MAP9: variants seen among roughly 807,000 people sequenced by gnomAD.
MAP9 encodes microtubule-associated protein 9.
MAP9 carries 80 observed loss-of-function variants against 75.2 expected under a neutral mutation model. That is an observed-to-expected ratio of 1.06 (90% CI 0.89 to 1.28). MAP9 has a LOEUF of 1.28. Ranked by LOEUF, MAP9 falls within the 50% of genes most tolerant of loss-of-function variation. MAP9 has a pLI of 0.00. For synonymous variants in MAP9, 235 were observed against 237.3 expected (o/e 0.99, Z 0.09); for missense variants, 753 against 719.9 (o/e 1.05, Z -0.53).
intron 5 of MAP9, among the ~76,000 whole-genome samples, chr4:155,365,426 C>A (rs913160636): frequency 6.6e-6 from 1 of 151,844 alleles, no homozygotes; most frequent in African/African-American, 2.4e-5. Flanking sequence ...TTTTAATACC[C>A]CTAAGTTGGT....
At chr4:155,351,235 A>G (rs777003565) in intron 13 of MAP9, 1 of 151,962 alleles carries the variant, frequency 6.6e-6, no homozygotes, top group Non-Finnish European at 1.5e-5. Flanking sequence ...TAGCACCTCA[A>G]ATCAATGGGT....
At chr4:155,370,689 C>G (rs1360768383) in intron 4 of MAP9, among the ~76,000 whole-genome samples, 5 of 152,104 alleles carry the variant, frequency 3.3e-5, no homozygotes, top group African/African-American at 1.2e-4. Flanking sequence ...TGAGATCTAC[C>G]TTCTTAATAC....
chr4:155,345,393 T>A lies in MAP9; in HGVS notation c.*2390A>T, dbSNP rs577689804. 3 of 152,086 alleles carry A rather than the reference T, an allele frequency of 2.0e-5. No homozygotes were observed. Among genetic ancestry groups the A allele is most frequent in the Non-Finnish European group, 4.4e-5 (3 of 67,960 alleles). 9.4% of individuals were successfully genotyped at this position (152,086 alleles called of 1,614,324 possible). A position where few individuals can be genotyped will look rare whatever the true frequency, so the allele number is the denominator to read the frequency against. ...GCAATCCTAAGAAATTAATACTTAC[T>A]TAGCTTTCTTTTTAGGAAGGCCCTA... On this transcript the variant is annotated 3_prime_UTR_variant, in exon 14 of 14. Coordinates refer to ENST00000311277, the MANE Select transcript of MAP9 (RefSeq NM_001039580.2).
chr4:155,364,596 AAT>A (rs1354734717), intron 5 of MAP9, among the ~76,000 whole-genome samples: 1 of 148,706 alleles, frequency 6.7e-6, no homozygotes, highest in Admixed American at 6.7e-5. Context: ...GTAGATATAT[AAT>A]ATATATTTAT....
rs1732010302 is a variant in MAP9, at chr4:155,360,284, G to A, written c.934C>T (p.Leu312Phe). The A allele has an allele frequency of 3.7e-6, 6 of 1,613,042 alleles. No individual in the cohort carries two copies. Among genetic ancestry groups the A allele is most frequent in the Admixed American group, 3.3e-5 (2 of 59,922 alleles). The stretch of plus-strand genomic sequence containing the variant: ...TCCGCTTTTGCCTTTTCTTCTTCAA[G>A]GTCATCAGCAGTCACTTGACTTTCC... ...SKESQVTADDLEEEKAKAELI... is the reference protein window; with the variant it reads ...SKESQVTADDFEEEKAKAELI... The change falls in exon 7 of 14, where the codon CTT becomes TTT. Residue 312 changes from leucine to phenylalanine, a missense_variant. By Grantham distance (22) the Leu-to-Phe change is conservative (BLOSUM62 0). Coordinates refer to ENST00000311277, the MANE Select transcript of MAP9 (RefSeq NM_001039580.2).
Position 155,355,126 on chromosome 4 carries a change from T to TA in MAP9, c.1324_1325insT (p.Glu442ValfsTer9). 1 of 1,407,380 alleles carries TA rather than the reference T, an allele frequency of 7.1e-7. No individual in the cohort carries two copies. The highest frequency in any genetic ancestry group is 9.7e-7 in the Non-Finnish European group (1 of 1,034,676). 87.2% of individuals were successfully genotyped at this position (1,407,380 alleles called of 1,614,324 possible). On this transcript the variant is annotated frameshift_variant, in exon 10 of 14. Coordinates refer to ENST00000311277, the MANE Select transcript of MAP9 (RefSeq NM_001039580.2). LOFTEE classifies it high-confidence loss of function. ...TTCAATTCTTTTTATTCTGTGCATT[T>TA]CATGTAAATACACATTTTTCTTTTC...
intron 12 of MAP9, 28 bp from the exon 13 acceptor site, chr4:155,352,756 G>C (rs1470757497): frequency 1.3e-6 from 2 of 1,510,520 alleles, no homozygotes; most frequent in Non-Finnish European, 8.9e-7. Flanking sequence ...AAACACTGGA[G>C]AGTTAAAGGA....
chr4:155,349,112 T>G (rs1731396090), intron 13 of MAP9, among the ~76,000 whole-genome samples: 3 of 152,152 alleles, frequency 2.0e-5, no homozygotes, highest in South Asian at 2.1e-4. Flanking sequence ...GGAAAGTCCC[T>G]TTGAAGTGTG....
At position 155,343,947 on chromosome 4, in the gene MAP9, A is replaced by G. The variant is rs922003110; in HGVS notation, c.*3836T>C. 4.6e-5 allele frequency: 7 copies of G among 152,080 alleles called. No homozygotes were observed. The highest frequency in any genetic ancestry group is 2.1e-4 in the South Asian group (1 of 4,824). The allele number at this position is 152,080 out of a possible 1,614,324, so 9.4% of individuals were successfully genotyped here. A position where few individuals can be genotyped will look rare whatever the true frequency, so the allele number is the denominator to read the frequency against. ...GTGTAAATGCAAACTAGGAAAGTTG[A>G]TATCTTTCTTTTATGTAAAAGGAAG... is the stretch of plus-strand genomic sequence containing the variant. On this transcript the variant is annotated 3_prime_UTR_variant, in exon 14 of 14. Transcript: ENST00000311277.
At chr4:155,353,504 TTAGA>T (rs1249336750) in intron 10 of MAP9, among the ~76,000 whole-genome samples, 164 bp from the exon 11 acceptor site, 5 of 152,142 alleles carry the variant, frequency 3.3e-5, no homozygotes, top group Non-Finnish European at 7.4e-5. Context: ...TTAGAATGGC[TTAGA>T]TAATTTACAA....
At chr4:155,371,266 T>C (rs1054506072) in intron 4 of MAP9, among the ~76,000 whole-genome samples, 3 of 152,088 alleles carry the variant, frequency 2.0e-5, no homozygotes, top group South Asian at 2.1e-4. Flanking sequence ...ATTAAAAACA[T>C]TGAGTTCCAA....
chr4:155,359,181 A>C (rs1370036444), intron 7 of MAP9, among the ~76,000 whole-genome samples: 1 of 150,284 alleles, frequency 6.7e-6, no homozygotes, highest in Non-Finnish European at 1.5e-5. Context: ...AGTGTACATC[A>C]ACATATGATT....
At position 155,347,503 on chromosome 4, in the gene MAP9, GA is replaced by G. The variant is rs1186275961; in HGVS notation, c.*279del. 10 of 268,530 alleles carry G rather than the reference GA, an allele frequency of 3.7e-5. No homozygotes were observed. In the Middle Eastern group the frequency reaches 3.2e-3, roughly 87 times the overall value. 16.6% of individuals were successfully genotyped at this position (268,530 alleles called of 1,614,324 possible). On this transcript the variant is annotated 3_prime_UTR_variant, in exon 14 of 14. Transcript: ENST00000311277. The stretch of plus-strand genomic sequence containing the variant: ...TACAGAGCTTAATGAAAAAGATCAT[GA>G]ATCACTCCACCATAAGAATTATCAG...
intron 13 of MAP9, chr4:155,352,315 G>C: frequency 3.6e-6 from 1 of 277,706 alleles, no homozygotes; most frequent in South Asian, 4.2e-5. Flanking sequence ...AGCAAAGGAA[G>C]AATGGGCATG....
intron 13 of MAP9, chr4:155,352,201 TCTCA>T (rs1207786806): frequency 1.2e-5 from 2 of 165,766 alleles, no homozygotes; most frequent in African/African-American, 4.8e-5. Flanking sequence ...GGAATAATTT[TCTCA>T]CTATTAAGTT....
At chr4:155,376,742 G>A (rs1732866572) in intron 1 of MAP9, 29 bp downstream of exon 1, 1 of 153,190 alleles carries the variant, frequency 6.5e-6, no homozygotes, top group Non-Finnish European at 1.5e-5. Flanking sequence ...TGAGAATCAA[G>A]AGCCAAGCAT....
rs749760208 is a variant in MAP9, at chr4:155,373,438, G to C, written c.179C>G (p.Ser60Cys). The change falls in exon 4 of 14, where the codon TCT (serine) becomes TGT (cysteine). Residue 60 changes from serine to cysteine, a missense_variant. Transcript: ENST00000311277. ...SDEIVSLGDF[S>C]DTSADENSVN... ...TGAATTTTCATCTGCTGAAGTGTCAGAAAAATCACCTAAAGAAACTGAAAA... is the reference window on the plus strand; with the variant it reads ...TGAATTTTCATCTGCTGAAGTGTCACAAAAATCACCTAAAGAAACTGAAAA... 6.5e-7 allele frequency: 1 copy of C among 1,544,758 alleles called. No homozygotes were observed. Among genetic ancestry groups the C allele is most frequent in the South Asian group, 1.3e-5 (1 of 79,062 alleles).
chr4:155,374,514 A>T (rs1732750950), intron 3 of MAP9, among the ~76,000 whole-genome samples: 1 of 152,198 alleles, frequency 6.6e-6, no homozygotes, highest in Non-Finnish European at 1.5e-5. Context: ...GCCAAAAAAA[A>T]TCTGATTTAT....
intron 7 of MAP9, among the ~76,000 whole-genome samples, chr4:155,359,140 G>A (rs1381545025): frequency 6.6e-6 from 1 of 151,058 alleles, no homozygotes; most frequent in African/African-American, 2.4e-5. Flanking sequence ...CACACCACTA[G>A]TCACAATAGC....
Sources: gnomAD v4.1 joint callset for allele counts (sites outside exome capture counted in the v4.1 genomes callset) on GRCh38, gnomAD v4.1.1 for gene constraint, MANE v1.5 for transcripts, NCBI Gene and HGNC (gene_info 2026-07-23, HGNC 2026-07-21) for gene names.